The following RDX variants were observed in gnomAD, a reference collection of about 807,000 sequenced individuals.
The protein encoded by RDX is radixin, also known as deafness, autosomal recessive 24.
RDX carries 32 observed loss-of-function variants against 83.7 expected under a neutral mutation model. That is an observed-to-expected ratio of 0.38 (90% confidence interval 0.29 to 0.51). The LOEUF (loss-of-function observed/expected upper bound fraction) is 0.51. Ranked by LOEUF, RDX falls within the 20% of genes least tolerant of loss-of-function variation. The pLI is 0.87. For synonymous variants in RDX, 229 were observed against 222.7 expected (o/e 1.03, Z -0.25); for missense variants, 600 against 689.9 (o/e 0.87, Z 1.46).
intron 1 of RDX, among the ~76,000 whole-genome samples, chr11:110,283,313 C>T (rs758529454): frequency 1.3e-5 from 2 of 152,054 alleles, no homozygotes; most frequent in Non-Finnish European, 2.9e-5. Flanking sequence ...GCCACCATGT[C>T]TGACTAATTT....
intron 14 of RDX, among the ~76,000 whole-genome samples, chr11:110,213,279 C>G (rs1863907802): frequency 7.4e-6 from 1 of 134,446 alleles, no homozygotes; most frequent in African/African-American, 2.9e-5. Flanking sequence ...ATCCAACTTA[C>G]AAGGGATGTG....
chr11:110,226,954 T>C (rs1055658682), downstream of RDX, among the ~76,000 whole-genome samples: 6 of 152,160 alleles, frequency 3.9e-5, no homozygotes, highest in Non-Finnish European at 2.9e-5. Context: ...CCTTTTATTG[T>C]GTAAGTTTCC....
intron 14 of RDX, among the ~76,000 whole-genome samples, chr11:110,215,018 A>C (rs1446281403): frequency 1.5e-4 from 21 of 136,676 alleles, no homozygotes; most frequent in Non-Finnish European, 3.1e-4. Flanking sequence ...AAATAAAAAA[A>C]ACATTTAGGA....
intron 1 of RDX, among the ~76,000 whole-genome samples, chr11:110,281,322 A>AT (rs754256440): frequency 0.017 from 2,505 of 143,162 alleles, 54 homozygotes; most frequent in African/African-American, 0.052. Context: ...TCCTCCTGAG[A>AT]TTTTTTTTTT....
At chr11:110,295,037 T>G (rs1280484357) in intron 1 of RDX, among the ~76,000 whole-genome samples, 2 of 152,200 alleles carry the variant, frequency 1.3e-5, no homozygotes, top group African/African-American at 4.8e-5. Flanking sequence ...ACTGCAATCG[T>G]CTTTACAGCA....
chr11:110,175,987 C>T (rs970139522), intron 15 of RDX, among the ~76,000 whole-genome samples: 1 of 152,126 alleles, frequency 6.6e-6, no homozygotes, highest in Non-Finnish European at 1.5e-5. Flanking sequence ...AGGTGGGAAG[C>T]AGTGGGAGAG....
chr11:110,220,878 T>TAA (rs386374875), intron 14 of RDX, among the ~76,000 whole-genome samples: 53,919 of 108,720 alleles, frequency 0.5, 13,023 homozygotes, highest in African/African-American at 0.66. Flanking sequence ...ACAGCCTCTG[T>TAA]AAAAAAAAAA....
At chr11:110,195,352 G>A (rs555749683) in intron 15 of RDX, among the ~76,000 whole-genome samples, 2 of 152,282 alleles carry the variant, frequency 1.3e-5, no homozygotes, top group Non-Finnish European at 2.9e-5. Flanking sequence ...ACACCTCAAA[G>A]TGCCAGGACT....
intron 14 of RDX, among the ~76,000 whole-genome samples, chr11:110,206,538 G>T (rs558755750): frequency 5.9e-5 from 9 of 152,232 alleles, no homozygotes; most frequent in South Asian, 2.1e-4. Context: ...AACGGATGAC[G>T]TGATGGAGAG....
At chr11:110,207,975 A>C (rs1208787548) in intron 14 of RDX, among the ~76,000 whole-genome samples, 1 of 143,622 alleles carries the variant, frequency 7.0e-6, no homozygotes, top group Non-Finnish European at 1.5e-5. Flanking sequence ...AATCATAAGG[A>C]AGTTGAATCA....
intron 2 of RDX, among the ~76,000 whole-genome samples, chr11:110,278,075 C>T (rs1345916123): frequency 2.0e-5 from 3 of 152,164 alleles, no homozygotes; most frequent in African/African-American, 7.2e-5. Context: ...AATTGTGTGA[C>T]ACCCTTGTCA....
chr11:110,227,164 A>C (rs574538025), downstream of RDX, among the ~76,000 whole-genome samples: 1 of 152,166 alleles, frequency 6.6e-6, no homozygotes. Flanking sequence ...AAACAATATA[A>C]AACATCATAT....
rs111456107 is a variant in RDX, at chr11:110,239,215, GC to G, written c.1091-1564del. 2.5e-3 allele frequency among the ~76,000 whole-genome samples: 361 copies of G among 144,914 alleles called. 3 individuals carry two copies. The highest frequency in any genetic ancestry group is 7.0e-3 in the Middle Eastern group (2 of 286). On this transcript the variant is annotated intron_variant, in intron 10 of 13. Coordinates refer to ENST00000645495, the MANE Select transcript of RDX (RefSeq NM_002906.4). ...CAAGAAAGCAATTCCATTTACCATA[GC>G]CAAAAAAAAAAAGTAAAACACCTAG...
At chr11:110,256,040 C>T (rs375547203) in intron 7 of RDX, among the ~76,000 whole-genome samples, 4 of 152,190 alleles carry the variant, frequency 2.6e-5, no homozygotes, top group East Asian at 1.9e-4. Context: ...TACCACCCTA[C>T]ACACAAAGAT....
chr11:110,266,517 C>A (rs915033440), intron 3 of RDX, among the ~76,000 whole-genome samples: 1 of 150,392 alleles, frequency 6.6e-6, no homozygotes, highest in Non-Finnish European at 1.5e-5. Flanking sequence ...CAGAAAGATT[C>A]AATATCAGTT....
At chr11:110,238,389 T>G (rs993626017) in intron 10 of RDX, among the ~76,000 whole-genome samples, 1 of 152,188 alleles carries the variant, frequency 6.6e-6, no homozygotes, top group South Asian at 2.1e-4. Context: ...TTAAGAGAGT[T>G]TAACAGTACT....
intron 15 of RDX, among the ~76,000 whole-genome samples, chr11:110,182,779 C>A (rs116375479): frequency 7.2e-5 from 11 of 152,040 alleles, no homozygotes; most frequent in Non-Finnish European, 1.3e-4. Flanking sequence ...GCAGGCTGTC[C>A]GGGGTAACAG....
Position 110,233,374 on chromosome 11 carries a change from T to C in RDX, c.1450A>G (p.Asn484Asp). 1.2e-6 allele frequency: 2 copies of C among 1,614,176 alleles called. No homozygotes were observed. The highest frequency in any genetic ancestry group is 2.2e-5 in the East Asian group (1 of 44,882). The stretch of plus-strand genomic sequence containing the variant: ...TTCTCATCGTGTTCATCATGTTCGT[T>C]TTCTGTTGGAGGAATGACTGGTGGT... Reference protein sequence around the residue: ...PPPPVIPPTENEHDEHDENNA... With the variant: ...PPPPVIPPTEDEHDEHDENNA... Residue 484 changes from asparagine to aspartate, a missense_variant, in exon 13 of 14, where the codon AAC becomes GAC. Asn to Asp is a conservative substitution (Grantham distance 23). Coordinates refer to ENST00000645495, the MANE Select transcript of RDX (RefSeq NM_002906.4).
intron 1 of RDX, among the ~76,000 whole-genome samples, chr11:110,284,019 T>C (rs1860875312): frequency 6.6e-6 from 1 of 152,098 alleles, no homozygotes; most frequent in African/African-American, 2.4e-5. Context: ...AACACACAAA[T>C]GTTCTACTGA....
Sources: allele counts gnomAD v4.1 joint callset (sites outside exome capture counted in the v4.1 genomes callset), GRCh38; gene constraint gnomAD v4.1.1; transcripts MANE v1.5; gene names NCBI Gene and HGNC (gene_info 2026-07-23, HGNC 2026-07-21).